The following CFAP47 variants were observed in gnomAD, a reference collection of about 807,000 sequenced individuals.
CFAP47 encodes the protein cilia- and flagella-associated protein 47.
A neutral mutation model predicts 148.1 loss-of-function variants in CFAP47; 29 were observed. That is an observed-to-expected ratio of 0.20 (90% CI 0.15 to 0.27). The LOEUF is 0.27. Among genes scored for constraint, CFAP47 ranks in the 10% least tolerant of loss-of-function variants. CFAP47 has a pLI of 1.00. For missense variants in CFAP47, 1,872 were observed against 1,697.5 expected, an observed-to-expected ratio of 1.10 and a Z score of -1.81; for synonymous variants, 664 against 577.3, an observed-to-expected ratio of 1.15 and a Z score of -2.15.
chrX:35,951,019 T>A, intron 4 of CFAP47, 112 bp from the exon 5 acceptor site: 5 of 517,065 alleles, frequency 9.7e-6, no homozygotes, highest in Non-Finnish European at 1.6e-5. Flanking sequence ...TGAATTTTAA[T>A]GATAATGTGA....
chrX:35,964,583 C>T (rs1936376792), intron 8 of CFAP47, among the ~76,000 whole-genome samples: 1 of 110,581 alleles, frequency 9.0e-6, no homozygotes, highest in African/African-American at 3.3e-5. Context: ...TTTAGACTCC[C>T]ATCATACATA....
intron 30 of CFAP47, among the ~76,000 whole-genome samples, chrX:36,093,595 A>G (rs1221298966): frequency 9.0e-6 from 1 of 111,711 alleles, no homozygotes; most frequent in African/African-American, 3.2e-5. Flanking sequence ...GCCCATTTAA[A>G]AAATGAAATG....
intron 48 of CFAP47, among the ~76,000 whole-genome samples, chrX:36,245,196 A>G (rs1555996831): frequency 9.0e-6 from 1 of 111,529 alleles, no homozygotes; most frequent in African/African-American, 3.2e-5. Context: ...CTAGGTATCA[A>G]AAAATCCATC....
In CFAP47 at chrX:36,344,405, A is replaced by G. The variant is rs782502472; in HGVS notation, c.8444-3724A>G. Among the ~76,000 whole-genome samples the G allele has an allele frequency of 3.6e-5, 4 of 111,167 alleles. No homozygotes were observed. In the East Asian group the frequency reaches 1.1e-3, roughly 32 times the overall value. ...ATTTTCAGTGATTTCTTGGAAGTTA[A>G]CAGCATTACAGAGTGGTTCTTATCC... On this transcript the variant is annotated intron_variant, in intron 57 of 63. Coordinates refer to ENST00000378653, the MANE Select transcript of CFAP47 (RefSeq NM_001304548.2).
intron 57 of CFAP47, among the ~76,000 whole-genome samples, chrX:36,333,897 T>C (rs1025735365): frequency 9.0e-6 from 1 of 111,727 alleles, no homozygotes; most frequent in African/African-American, 3.3e-5. Flanking sequence ...TATAGTCTCA[T>C]CTTCCTTGCT....
At chrX:36,229,197 G>T (rs1940307329) in intron 46 of CFAP47, among the ~76,000 whole-genome samples, 1 of 111,725 alleles carries the variant, frequency 9.0e-6, no homozygotes, top group Admixed American at 9.5e-5. Flanking sequence ...CCTGTAGCTT[G>T]GCTACCTATT....
intron 45 of CFAP47, among the ~76,000 whole-genome samples, chrX:36,227,185 G>A (rs1555991664): frequency 9.0e-6 from 1 of 111,355 alleles, no homozygotes; most frequent in Non-Finnish European, 1.9e-5. Context: ...AGAAAAAAAT[G>A]TGTTCTAAAA....
At chrX:36,375,710 C>G (rs147986580) in intron 62 of CFAP47, among the ~76,000 whole-genome samples, 1 of 112,230 alleles carries the variant, frequency 8.9e-6, no homozygotes, top group Non-Finnish European at 1.9e-5. Flanking sequence ...CAGTTATCTT[C>G]GCCAGACTTT....
chrX:36,072,545 G>A (rs1601960874), intron 28 of CFAP47, among the ~76,000 whole-genome samples: 1 of 111,689 alleles, frequency 9.0e-6, no homozygotes, highest in Non-Finnish European at 1.9e-5. Context: ...AGGTAATAAT[G>A]AACATTTTTC....
chrX:36,002,287 A>G (rs1290487067), intron 21 of CFAP47, among the ~76,000 whole-genome samples: 1 of 111,298 alleles, frequency 9.0e-6, no homozygotes, highest in East Asian at 2.8e-4. Context: ...GCCCAACGAG[A>G]GAGCTTCTCT....
rs1225029640 is a variant in CFAP47 at position 35,975,817 on chromosome X, G to A, written c.2617G>A (p.Val873Ile). ...CATGAAAACATGTTTTCGGGGGACAGTTAGATTGTATAATCGTCAGAATTG... is the reference window on the plus strand; with the variant it reads ...CATGAAAACATGTTTTCGGGGGACAATTAGATTGTATAATCGTCAGAATTG... ...FFMKTCFRGT[V>I]RLYNRQNCCA... Residue 873 changes from valine (V) to isoleucine (I), a missense_variant, in exon 15 of 64, where the codon GTT (valine) becomes ATT (isoleucine). Val to Ile is a conservative substitution (Grantham distance 29, BLOSUM62 3). Coordinates refer to ENST00000378653, the MANE Select transcript of CFAP47 (RefSeq NM_001304548.2). The A allele has an allele frequency of 1.7e-6, 2 of 1,208,778 alleles. No individual in the cohort carries two copies. The highest frequency in any genetic ancestry group is 3.5e-5 in the African/African-American group (2 of 57,101).
intron 15 of CFAP47, among the ~76,000 whole-genome samples, 196 bp from the exon 16 acceptor site, chrX:35,989,123 C>G (rs1936755182): frequency 8.9e-6 from 1 of 112,019 alleles, no homozygotes; most frequent in Non-Finnish European, 1.9e-5. Context: ...CAGGCATTTT[C>G]TATTTTAATC....
chrX:36,071,858 G>A lies in CFAP47; in HGVS notation c.4352G>A (p.Gly1451Asp). Residue 1451 changes from glycine to aspartate, a missense_variant, in exon 28 of 64, where the codon GGT (glycine) becomes GAT (aspartate). Coordinates refer to ENST00000378653, the MANE Select transcript of CFAP47 (RefSeq NM_001304548.2). Reference protein sequence around the residue: ...KDEYLKKTRDGVLPPYQDAKP... With the variant: ...KDEYLKKTRDDVLPPYQDAKP... ...GAATATCTTAAGAAGACTAGAGATGGTGTTTTGCCTCCCTACCAGGATGCT... is the reference window on the plus strand; with the variant it reads ...GAATATCTTAAGAAGACTAGAGATGATGTTTTGCCTCCCTACCAGGATGCT... 8.3e-7 allele frequency: 1 copy of A among 1,206,047 alleles called. No homozygotes were observed. The highest frequency in any genetic ancestry group is 1.1e-6 in the Non-Finnish European group (1 of 891,539).
intron 2 of CFAP47, among the ~76,000 whole-genome samples, chrX:35,931,366 A>G (rs977567877): frequency 7.2e-5 from 8 of 111,106 alleles, no homozygotes; most frequent in South Asian, 7.4e-4. Context: ...TAAAATTTGA[A>G]TACTATGTTT....
At chrX:36,051,615 A>G (rs1007129428) in intron 26 of CFAP47, among the ~76,000 whole-genome samples, 3 of 111,859 alleles carry the variant, frequency 2.7e-5, no homozygotes, top group Non-Finnish European at 5.6e-5. Context: ...TTCTGATTTT[A>G]CAAGCTAAGC....
intron 26 of CFAP47, among the ~76,000 whole-genome samples, chrX:36,048,421 A>T (rs1016763212): frequency 8.1e-5 from 9 of 111,334 alleles, no homozygotes; most frequent in African/African-American, 2.9e-4. Context: ...AATTAAAAAT[A>T]TAAGACTGAT....
intron 29 of CFAP47, among the ~76,000 whole-genome samples, chrX:36,083,325 TAC>T (rs1938019341): frequency 1.8e-5 from 2 of 110,256 alleles, no homozygotes; most frequent in Admixed American, 1.9e-4. Context: ...ACTTATATAT[TAC>T]ATATATACTT....
At chrX:35,992,251 A>G (rs1827201103) in intron 17 of CFAP47, among the ~76,000 whole-genome samples, 1 of 111,121 alleles carries the variant, frequency 9.0e-6, no homozygotes, top group Non-Finnish European at 1.9e-5. Context: ...ATTTAGTTAT[A>G]TGATTTTCCT....
intron 35 of CFAP47, 58 bp downstream of exon 35, chrX:36,138,522 T>C: frequency 9.3e-7 from 1 of 1,073,162 alleles, no homozygotes; most frequent in South Asian, 2.6e-5. Context: ...TTTGATAGCT[T>C]GCTCATTTAT....
Sources: gnomAD v4.1 joint callset for allele counts (sites outside exome capture counted in the v4.1 genomes callset) on GRCh38, gnomAD v4.1.1 for gene constraint, MANE v1.5 for transcripts, NCBI Gene and HGNC (gene_info 2026-07-23, HGNC 2026-07-21) for gene names.